Variants in ANKRD29 observed in about 807,000 individuals in gnomAD.
The protein encoded by ANKRD29 is ankyrin repeat domain 29, also known as ankyrin repeat domain-containing protein 29.
In ANKRD29, 32 loss-of-function variants were observed where a neutral mutation model predicts 38.0. The ratio of observed to expected loss-of-function variants is 0.84; its 90% CI spans 0.64 to 1.13. The LOEUF (loss-of-function observed/expected upper bound fraction) is 1.13. ANKRD29 is among the 50% of genes most tolerant of loss of function. The pLI, the probability that ANKRD29 is intolerant of heterozygous loss-of-function variation, is 0.00. For missense variants in ANKRD29, 357 were observed against 377.9 expected, an observed-to-expected ratio of 0.94 and a Z score of 0.46; for synonymous variants, 135 against 152.4, an observed-to-expected ratio of 0.89 and a Z score of 0.84.
chr18:23,636,087 A>G (rs2059999229), intron 4 of ANKRD29, among the ~76,000 whole-genome samples: 1 of 152,208 alleles, frequency 6.6e-6, no homozygotes, highest in Admixed American at 6.5e-5. Context: ...TAATAAAGTA[A>G]CAGAAAAGAT....
At chr18:23,621,671 A>T (rs1296155204) in intron 6 of ANKRD29, among the ~76,000 whole-genome samples, 1 of 152,082 alleles carries the variant, frequency 6.6e-6, no homozygotes, top group Non-Finnish European at 1.5e-5. Context: ...CAATAATTCA[A>T]GCAACCAATA....
chr18:23,633,886 A>AT (rs1039459110), intron 5 of ANKRD29, among the ~76,000 whole-genome samples, 165 bp downstream of exon 5: 82 of 98,810 alleles, frequency 8.3e-4, no homozygotes, highest in Non-Finnish European at 1.6e-3. Flanking sequence ...TGGTTTCTAT[A>AT]TAAAAAAAGC....
intron 6 of ANKRD29, among the ~76,000 whole-genome samples, chr18:23,623,568 T>C (rs1015454584): frequency 5.9e-5 from 9 of 151,984 alleles, no homozygotes; most frequent in Non-Finnish European, 1.3e-4. Flanking sequence ...GAGGATGGCT[T>C]GAGCCCAGGA....
rs568911898 is a variant in ANKRD29, at chr18:23,613,225, T to C, written c.724-1035A>G. 7.0e-5 allele frequency among the ~76,000 whole-genome samples: 10 copies of C among 143,686 alleles called. No homozygotes were observed. The East Asian group carries it at 1.4e-3, about 21-fold the overall frequency. The allele number at this position is 143,686 out of a possible 152,430, so 94.3% of individuals were successfully genotyped here. ...TCTCGCTCTGTCTCCCAGGCTGGAG[T>C]GCAATGGCGCAATCTCAGTTCACTG... On this transcript the variant is annotated intron_variant, in intron 8 of 9. Transcript: ENST00000592179.
intron 6 of ANKRD29, 53 bp downstream of exon 6, chr18:23,629,800 C>T: frequency 1.3e-6 from 2 of 1,495,898 alleles, no homozygotes; most frequent in South Asian, 1.2e-5. Flanking sequence ...GACACCCAGC[C>T]CTCCCTGCCC....
intron 3 of ANKRD29, among the ~76,000 whole-genome samples, chr18:23,644,964 G>A (rs1360797565): frequency 5.9e-5 from 9 of 152,188 alleles, no homozygotes; most frequent in Non-Finnish European, 1.3e-4. Flanking sequence ...GACCTGATGT[G>A]TCTTAATTTG....
At chr18:23,616,696 T>C (rs1227828660) in intron 8 of ANKRD29, among the ~76,000 whole-genome samples, 1 of 145,678 alleles carries the variant, frequency 6.9e-6, no homozygotes, top group Non-Finnish European at 1.5e-5. Flanking sequence ...CTGTAGTAAA[T>C]ATATTAGTAA....
rs950550412 is a variant in ANKRD29, at chr18:23,620,711, C to G, written c.529-1082G>C. Reference sequence around the variant, plus strand: ...TGTGAGAAACCAGGAAAGTTACAAGCCCTTTAGAGTTCTGCTCTCTGCTGG... The same window carrying G: ...TGTGAGAAACCAGGAAAGTTACAAGGCCTTTAGAGTTCTGCTCTCTGCTGG... On this transcript the variant is annotated intron_variant, in intron 6 of 9. Coordinates refer to ENST00000592179, the MANE Select transcript of ANKRD29 (RefSeq NM_173505.4). Among the ~76,000 whole-genome samples, 94 of 152,084 alleles carry G rather than the reference C, an allele frequency of 6.2e-4. 1 individual carries two copies. The highest frequency in any genetic ancestry group is 1.2e-3 in the Non-Finnish European group (81 of 68,038).
intron 9 of ANKRD29, among the ~76,000 whole-genome samples, chr18:23,610,246 G>A (rs1405035534): frequency 1.3e-5 from 2 of 152,182 alleles, no homozygotes; most frequent in African/African-American, 2.4e-5. Context: ...GGGAGGCCGA[G>A]GGGGGCGGAT....
At chr18:23,613,164 ATTTTTTTT>A (rs546475443) in intron 8 of ANKRD29, among the ~76,000 whole-genome samples, 1 of 99,058 alleles carries the variant, frequency 1.0e-5, no homozygotes, top group African/African-American at 4.3e-5. Context: ...ACGGGTCAGA[ATTTTTTTT>A]TTTTTTTTTT....
intron 5 of ANKRD29, among the ~76,000 whole-genome samples, chr18:23,631,775 C>T (rs2059935481): frequency 6.6e-6 from 1 of 152,214 alleles, no homozygotes; most frequent in African/African-American, 2.4e-5. Context: ...GTATCTATGC[C>T]TTCTGGGCAT....
chr18:23,661,859 T>C (rs996953570), intron 1 of ANKRD29, among the ~76,000 whole-genome samples: 3 of 152,212 alleles, frequency 2.0e-5, no homozygotes, highest in African/African-American at 7.2e-5. Flanking sequence ...CTTTGCAACA[T>C]GCACATCTCG....
rs192581896 is a variant in ANKRD29 at position 23,622,111 on chromosome 18, A to G, written c.529-2482T>C. Among the ~76,000 whole-genome samples the G allele has an allele frequency of 6.6e-4, 101 of 152,210 alleles. 1 individual carries two copies. In the East Asian group the frequency reaches 0.01, roughly 15 times the overall value. ...CAGGTGGGAGGGCTGCTGCATGGGG[A>G]ATGAGGGCTCAGTGTCCTGGATAGA... On this transcript the variant is annotated intron_variant, in intron 6 of 9. Transcript: ENST00000592179.
intron 3 of ANKRD29, among the ~76,000 whole-genome samples, chr18:23,643,316 T>C (rs1472338825): frequency 6.6e-6 from 1 of 152,182 alleles, no homozygotes; most frequent in Non-Finnish European, 1.5e-5. Flanking sequence ...TCCCACTGCT[T>C]TATTACAGTT....
chr18:23,661,304 C>T (rs1475012853), intron 1 of ANKRD29, among the ~76,000 whole-genome samples: 2 of 152,212 alleles, frequency 1.3e-5, no homozygotes, highest in Admixed American at 6.5e-5. Flanking sequence ...GTATATCTGT[C>T]TAATCAACAT....
intron 7 of ANKRD29, among the ~76,000 whole-genome samples, chr18:23,618,972 G>T (rs999421911): frequency 6.6e-6 from 1 of 152,182 alleles, no homozygotes; most frequent in African/African-American, 2.4e-5. Context: ...GTAAGCAAGG[G>T]TTATACAAAG....
chr18:23,601,714 G>A (rs1409500047), intron 9 of ANKRD29, among the ~76,000 whole-genome samples: 1 of 152,076 alleles, frequency 6.6e-6, no homozygotes, highest in African/African-American at 2.4e-5. Context: ...CTGTCACCCA[G>A]GCTGGAGTGC....
chr18:23,607,165 C>A (rs2059584604), intron 9 of ANKRD29, among the ~76,000 whole-genome samples: 1 of 152,182 alleles, frequency 6.6e-6, no homozygotes, highest in Non-Finnish European at 1.5e-5. Context: ...TGTGGCTGCA[C>A]CCCTTCTCAC....
intron 1 of ANKRD29, among the ~76,000 whole-genome samples, chr18:23,660,414 A>G (rs1161754879): frequency 1.3e-5 from 2 of 152,214 alleles, no homozygotes; most frequent in African/African-American, 4.8e-5. Flanking sequence ...TTATTGTTGA[A>G]GTGCCTATCA....
Sources: gnomAD v4.1 joint callset for allele counts (sites outside exome capture counted in the v4.1 genomes callset) on GRCh38, gnomAD v4.1.1 for gene constraint, MANE v1.5 for transcripts, NCBI Gene and HGNC (gene_info 2026-07-23, HGNC 2026-07-21) for gene names.